Variants in DNAAF11 observed in about 807,000 individuals in gnomAD.
The protein encoded by DNAAF11 is dynein axonemal assembly factor 11, also known as leucine rich repeat containing 6.
In DNAAF11, 45 loss-of-function variants were observed where a neutral mutation model predicts 60.8. The ratio of observed to expected loss-of-function variants is 0.74; its 90% CI spans 0.58 to 0.95. The LOEUF is 0.95. Ranked by LOEUF, DNAAF11 falls within the 40% of genes least tolerant of loss-of-function variation. The pLI, the probability that DNAAF11 is intolerant of heterozygous loss-of-function variation, is 0.00. For synonymous variants in DNAAF11, 191 were observed against 183.5 expected (o/e 1.04, Z -0.33); for missense variants, 546 against 546.2 (o/e 1.00, Z 0.00).
At chr8:132,665,038 A>G (rs966198382) in intron 1 of DNAAF11, among the ~76,000 whole-genome samples, 1 of 152,180 alleles carries the variant, frequency 6.6e-6, no homozygotes, top group African/African-American at 2.4e-5. Context: ...GATTATATAC[A>G]ATTAGGATAC....
chr8:132,680,463 A>G (rs936963137), upstream of DNAAF11, among the ~76,000 whole-genome samples: 1 of 152,216 alleles, frequency 6.6e-6, no homozygotes, highest in African/African-American at 2.4e-5. Context: ...ATTTGCCTAG[A>G]AAGCAATTTA....
At chr8:132,646,166 A>G (rs978593407) in intron 3 of DNAAF11, among the ~76,000 whole-genome samples, 3 of 152,206 alleles carry the variant, frequency 2.0e-5, no homozygotes, top group African/African-American at 7.2e-5. Context: ...GCCAGAAGAG[A>G]GTGGGGGCCA....
At chr8:132,689,742 G>C in the DNAAF11 span, among the ~76,000 whole-genome samples, 1 of 152,044 alleles carries the variant, frequency 6.6e-6, no homozygotes, top group Admixed American at 6.6e-5. Flanking sequence ...TACAGAGAGA[G>C]AGACAGTGTC....
upstream of DNAAF11, among the ~76,000 whole-genome samples, chr8:132,679,339 G>A (rs904613742): frequency 6.6e-6 from 1 of 152,176 alleles, no homozygotes; most frequent in Non-Finnish European, 1.5e-5. Flanking sequence ...GAGTCAGTGA[G>A]CCAATTTCTT....
intron 10 of DNAAF11, among the ~76,000 whole-genome samples, chr8:132,604,525 C>T (rs1031929166): frequency 1.3e-5 from 2 of 152,150 alleles, no homozygotes; most frequent in Admixed American, 1.3e-4. Flanking sequence ...TGTAACTTGT[C>T]ATTTAAGAAT....
At chr8:132,612,653 A>G (rs1292054616) in intron 8 of DNAAF11, among the ~76,000 whole-genome samples, 2 of 151,666 alleles carry the variant, frequency 1.3e-5, no homozygotes, top group African/African-American at 2.4e-5. Context: ...GCTCTAAGTG[A>G]TAGGAGATCA....
At chr8:132,686,405 A>G in the DNAAF11 span, among the ~76,000 whole-genome samples, 1 of 152,156 alleles carries the variant, frequency 6.6e-6, no homozygotes, top group Non-Finnish European at 1.5e-5. Flanking sequence ...TCCAAATGGG[A>G]TGGGACATCT....
intron 1 of DNAAF11, among the ~76,000 whole-genome samples, chr8:132,668,453 C>CT (rs112141008): frequency 3.8e-4 from 56 of 147,700 alleles, no homozygotes; most frequent in Middle Eastern, 3.5e-3. Flanking sequence ...TGAGCTGAAT[C>CT]TTTTTTTTTT....
chr8:132,583,814 A>G (rs1243917445), intron 10 of DNAAF11, 35 bp from the exon 11 acceptor site: 2 of 1,380,264 alleles, frequency 1.4e-6, no homozygotes, highest in Admixed American at 3.4e-5. Context: ...CAAGTGGTGC[A>G]TTACTCCTTG....
chr8:132,647,490 G>A (rs1053464440), intron 3 of DNAAF11, among the ~76,000 whole-genome samples: 1 of 152,164 alleles, frequency 6.6e-6, no homozygotes, highest in Non-Finnish European at 1.5e-5. Context: ...AAAGCTAGCA[G>A]AAGGCAAGAA....
At chr8:132,625,151 A>C in intron 6 of DNAAF11, 121 bp downstream of exon 6, 1 of 668,064 alleles carries the variant, frequency 1.5e-6, no homozygotes, top group Admixed American at 3.8e-5. Flanking sequence ...ACTTAGAAAA[A>C]ACAAAATCTA....
upstream of DNAAF11, among the ~76,000 whole-genome samples, chr8:132,676,761 G>A (rs1825774927): frequency 6.6e-6 from 1 of 151,992 alleles, no homozygotes; most frequent in Admixed American, 6.5e-5. Flanking sequence ...AGGGATCTTC[G>A]AACAGTAAGA....
chr8:132,585,599 A>G (rs1815807414), intron 10 of DNAAF11, among the ~76,000 whole-genome samples: 1 of 152,254 alleles, frequency 6.6e-6, no homozygotes, highest in South Asian at 2.1e-4. Flanking sequence ...GGGTTTGTTC[A>G]GAAATGTTTC....
At chr8:132,610,489 G>A (rs935944139) in intron 9 of DNAAF11, among the ~76,000 whole-genome samples, 9 of 152,054 alleles carry the variant, frequency 5.9e-5, no homozygotes, top group African/African-American at 1.9e-4. Context: ...TGACATGCTC[G>A]TGGGTTCATG....
intron 10 of DNAAF11, among the ~76,000 whole-genome samples, chr8:132,593,057 G>A (rs1378570615): frequency 6.6e-6 from 1 of 151,708 alleles, no homozygotes; most frequent in African/African-American, 2.4e-5. Flanking sequence ...ACAAAAGAAA[G>A]TGAACATTTA....
the DNAAF11 span, among the ~76,000 whole-genome samples, chr8:132,697,372 C>A: frequency 0.29 from 44,550 of 152,086 alleles, 6,800 homozygotes; most frequent in East Asian, 0.38. Context: ...AATCCCAGCA[C>A]TTTGGGAGGC....
In DNAAF11 at chr8:132,630,944, C is replaced by T. The variant is rs186003589; in HGVS notation, c.653+1796G>A. Among the ~76,000 whole-genome samples, 6 of 152,210 alleles carry T rather than the reference C, an allele frequency of 3.9e-5. No homozygotes were observed. The East Asian group carries it at 1.2e-3, about 29-fold the overall frequency. On this transcript the variant is annotated intron_variant, in intron 5 of 11. Coordinates refer to ENST00000620350, the MANE Select transcript of DNAAF11 (RefSeq NM_012472.6). ...TTGTTGATATATGAGTATAAATTAT[C>T]ACAACTACTCTAGAAAACAATTTGG...
At chr8:132,581,701 A>G (rs988271204) in intron 11 of DNAAF11, among the ~76,000 whole-genome samples, 6 of 151,590 alleles carry the variant, frequency 4.0e-5, no homozygotes, top group Non-Finnish European at 5.9e-5. Flanking sequence ...AAGAAGAAGA[A>G]CAAGCCTGAG....
chr8:132,617,646 C>T (rs1586594696), intron 7 of DNAAF11, among the ~76,000 whole-genome samples: 1 of 152,284 alleles, frequency 6.6e-6, no homozygotes, highest in East Asian at 1.9e-4. Context: ...CTGGCCAGAA[C>T]TTCCAACACT....
Sources: gnomAD v4.1 joint callset for allele counts (sites outside exome capture counted in the v4.1 genomes callset) on GRCh38, gnomAD v4.1.1 for gene constraint, MANE v1.5 for transcripts, NCBI Gene and HGNC (gene_info 2026-07-23, HGNC 2026-07-21) for gene names.